NRDC: variants seen among roughly 807,000 people sequenced by gnomAD.
The protein encoded by NRDC is nardilysin.
Under a neutral mutation model 147.1 loss-of-function variants are expected in NRDC, and 54 were observed. The ratio of observed to expected loss-of-function variants is 0.37; its 90% CI spans 0.29 to 0.46. The LOEUF (loss-of-function observed/expected upper bound fraction) is 0.46. Ranked by LOEUF, NRDC falls within the 20% of genes least tolerant of loss-of-function variation. The pLI, the probability that NRDC is intolerant of heterozygous loss-of-function variation, is 1.00. For missense variants in NRDC, 1,082 were observed against 1,370.6 expected, an observed-to-expected ratio of 0.79 and a Z score of 3.33; for synonymous variants, 440 against 482.1, an observed-to-expected ratio of 0.91 and a Z score of 1.14.
At chr1:51,799,407 T>C (rs1679084696) in intron 21 of NRDC, among the ~76,000 whole-genome samples, 1 of 152,082 alleles carries the variant, frequency 6.6e-6, no homozygotes, top group African/African-American at 2.4e-5. Flanking sequence ...CCATGTCCTT[T>C]CTAACATATA....
In NRDC at chr1:51,812,027, A is replaced by C. The variant is rs1316993786; in HGVS notation, c.1746T>G (p.Thr582=). 6.2e-7 allele frequency: 1 copy of C among 1,613,894 alleles called. No homozygotes were observed. The highest frequency in any genetic ancestry group is 1.7e-5 in the Admixed American group (1 of 60,004). ...MQLYPLQDIL[T]GDQLLFEYKP... is the part of the protein sequence containing the mutation. ...TGTATTCAAAAAGAAGCTGATCTCC[A>C]GTGAGAATGTCCTGCAATGGGTACA... The change falls in exon 15 of 31, where the codon ACT becomes ACG. Residue 582 remains threonine (T), a synonymous_variant. Coordinates refer to ENST00000352171, the MANE Select transcript of NRDC (RefSeq NM_001101662.2).
intron 1 of NRDC, among the ~76,000 whole-genome samples, chr1:51,861,838 CCA>C (rs1682559987): frequency 6.6e-6 from 1 of 152,100 alleles, no homozygotes; most frequent in Non-Finnish European, 1.5e-5. Flanking sequence ...AGAACATTCG[CCA>C]CACACACGCA....
Position 51,878,538 on chromosome 1 carries a change from C to G in NRDC, c.78G>C (p.Ala26=), listed in dbSNP as rs1343624546. 1 of 1,613,574 alleles carries G rather than the reference C, an allele frequency of 6.2e-7. No individual in the cohort carries two copies. The highest frequency in any genetic ancestry group is 8.5e-7 in the Non-Finnish European group (1 of 1,179,912). The change falls in exon 1 of 31, where the codon GCG becomes GCC. Residue 26 remains alanine (A), a synonymous_variant. Coordinates refer to ENST00000352171, the MANE Select transcript of NRDC (RefSeq NM_001101662.2). ...KLCEAGRELA[A]LWGIETRGRC... is the part of the protein sequence containing the mutation. ...GACCCCGCGTTTCGATTCCCCAGAG[C>G]GCCGCGAGCTCCCGCCCGGCCTCAC...
chr1:51,790,781 C>T, intron 28 of NRDC, 119 bp downstream of exon 28: 1 of 967,356 alleles, frequency 1.0e-6, no homozygotes, highest in South Asian at 1.4e-5. Flanking sequence ...TAGGGAGACA[C>T]TATTGTAAGA....
chr1:51,874,025 A>C (rs1029475762), intron 1 of NRDC, among the ~76,000 whole-genome samples: 2 of 148,630 alleles, frequency 1.3e-5, no homozygotes, highest in Non-Finnish European at 3.0e-5. Flanking sequence ...ACCTGCCCCC[A>C]CCACCACCTC....
chr1:51,814,286 A>T (rs1471056620), intron 13 of NRDC, 197 bp from the exon 14 acceptor site: 1 of 579,890 alleles, frequency 1.7e-6, no homozygotes, highest in Non-Finnish European at 3.1e-6. Context: ...TATACCCCTG[A>T]ACCTAGAATA....
rs947814869 is a variant in NRDC at position 51,790,999 on chromosome 1, A to G, written c.2961-9T>C. ...TATCAACAACTTCAGAACTGAAACA[A>G]AACATCTTCAATCAGAACTAAAACA... On this transcript the variant is annotated splice_polypyrimidine_tract_variant and intron_variant, in intron 27 of 30. Coordinates refer to ENST00000352171, the MANE Select transcript of NRDC (RefSeq NM_001101662.2). The G allele has an allele frequency of 6.3e-7, 1 of 1,583,220 alleles. No individual in the cohort carries two copies. Among genetic ancestry groups the G allele is most frequent in the Non-Finnish European group, 8.7e-7 (1 of 1,153,188 alleles).
intron 29 of NRDC, 45 bp from the exon 30 acceptor site, chr1:51,789,702 T>C (rs1557892968): frequency 2.9e-6 from 4 of 1,389,372 alleles, no homozygotes; most frequent in Non-Finnish European, 3.1e-6. Flanking sequence ...AGAAGAAAGA[T>C]AGCTCTTAAA....
At chr1:51,801,425 T>C (rs755455218) in intron 20 of NRDC, 1 of 151,886 alleles carries the variant, frequency 6.6e-6, no homozygotes, top group Non-Finnish European at 1.5e-5. Flanking sequence ...TCCGGAGGAG[T>C]TGGGACCACC....
Position 51,812,166 on chromosome 1 carries a change from A to G in NRDC, c.1675-68T>C. ...TTATATTTGATTTACCACAACATACAAATACTTTCTCCCTTTCTTATTAAC... is the reference window on the plus strand; with the variant it reads ...TTATATTTGATTTACCACAACATACGAATACTTTCTCCCTTTCTTATTAAC... On this transcript the variant is annotated intron_variant, in intron 14 of 30. Transcript: ENST00000352171. The G allele has an allele frequency of 3.7e-6, 4 of 1,083,538 alleles. No homozygotes were observed. In the South Asian group the frequency reaches 3.9e-5, roughly 11 times the overall value. 67.1% of individuals were successfully genotyped at this position (1,083,538 alleles called of 1,614,324 possible).
chr1:51,871,515 TAAAAAAAAA>T (rs60495773), intron 1 of NRDC, among the ~76,000 whole-genome samples: 2 of 21,018 alleles, frequency 9.5e-5, no homozygotes, highest in African/African-American at 1.5e-4. Context: ...ACTGGTTCAT[TAAAAAAAAA>T]AAAAAAAAAA....
At chr1:51,812,158 C>A in intron 14 of NRDC, 60 bp from the exon 15 acceptor site, 1 of 1,163,234 alleles carries the variant, frequency 8.6e-7, no homozygotes, top group Non-Finnish European at 1.3e-6. Flanking sequence ...TGATTTACCA[C>A]AACATACAAA....
intron 22 of NRDC, among the ~76,000 whole-genome samples, chr1:51,796,774 G>A (rs1471694877): frequency 2.7e-5 from 4 of 148,666 alleles, no homozygotes; most frequent in Non-Finnish European, 6.0e-5. Context: ...TTTTAGCAGA[G>A]ACGGGGTTTC....
intron 4 of NRDC, among the ~76,000 whole-genome samples, chr1:51,831,689 G>C (rs111961906): frequency 0.016 from 2,306 of 148,256 alleles, 63 homozygotes; most frequent in African/African-American, 0.054. Context: ...AGCAATTCTC[G>C]TGCCTCAGCC....
intron 1 of NRDC, among the ~76,000 whole-genome samples, chr1:51,871,259 G>A (rs1003807659): frequency 1.3e-5 from 2 of 152,092 alleles, no homozygotes; most frequent in African/African-American, 4.8e-5. Context: ...GGAAGTTGCA[G>A]TGAGCCAAGA....
At chr1:51,827,258 C>A (rs1165370621) in intron 5 of NRDC, among the ~76,000 whole-genome samples, 1 of 152,136 alleles carries the variant, frequency 6.6e-6, no homozygotes, top group African/African-American at 2.4e-5. Flanking sequence ...ATTATTAGAA[C>A]TAGACACTGC....
chr1:51,830,949 G>A (rs376805137), intron 4 of NRDC, among the ~76,000 whole-genome samples: 10 of 152,158 alleles, frequency 6.6e-5, no homozygotes, highest in African/African-American at 1.2e-4. Flanking sequence ...TATTACACAC[G>A]TATAAAGGCT....
chr1:51,814,210 G>A, intron 13 of NRDC, 121 bp from the exon 14 acceptor site: 1 of 638,118 alleles, frequency 1.6e-6, no homozygotes, highest in South Asian at 2.0e-5. Flanking sequence ...TTAGTACCTG[G>A]GTGACAAAAT....
intron 15 of NRDC, among the ~76,000 whole-genome samples, chr1:51,811,672 A>G (rs1679723145): frequency 6.6e-6 from 1 of 152,196 alleles, no homozygotes; most frequent in South Asian, 2.1e-4. Flanking sequence ...TAAGCTAAAC[A>G]ACTACGTATT....
Sources: gnomAD v4.1 joint callset for allele counts (sites outside exome capture counted in the v4.1 genomes callset) on GRCh38, gnomAD v4.1.1 for gene constraint, MANE v1.5 for transcripts, NCBI Gene and HGNC (gene_info 2026-07-23, HGNC 2026-07-21) for gene names.